The following MAP2 variants were observed in gnomAD, a reference collection of about 807,000 sequenced individuals.
The protein encoded by MAP2 is microtubule-associated protein 2.
Under a neutral mutation model 137.6 loss-of-function variants are expected in MAP2, and 14 were observed. The observed-to-expected ratio is 0.10, with a 90% confidence interval of 0.07 to 0.16. The LOEUF (loss-of-function observed/expected upper bound fraction) is 0.16, where lower values mean the gene tolerates loss of function less well. Ranked by LOEUF, MAP2 falls within the 10% of genes least tolerant of loss-of-function variation. The pLI is 1.00. For synonymous variants in MAP2, 786 were observed against 782.3 expected, an observed-to-expected ratio of 1.00 and a Z score of -0.08; for missense variants, 2,088 against 2,191.5, an observed-to-expected ratio of 0.95 and a Z score of 0.94.
intron 1 of MAP2, among the ~76,000 whole-genome samples, chr2:209,454,398 G>A (rs1315790654): frequency 6.6e-6 from 1 of 152,000 alleles, no homozygotes; most frequent in African/African-American, 2.4e-5. Context: ...GCAGTGGCAC[G>A]ATCTCTGCTC....
chr2:209,474,172 T>C (rs1706561066), intron 1 of MAP2, among the ~76,000 whole-genome samples: 1 of 152,200 alleles, frequency 6.6e-6, no homozygotes, highest in Admixed American at 6.5e-5. Context: ...CTGCCAGGTG[T>C]TGAACCAAAG....
Position 209,582,381 on chromosome 2 carries a change from C to T in MAP2, c.-107+2281C>T, listed in dbSNP as rs150829907. 7.4e-4 allele frequency among the ~76,000 whole-genome samples: 112 copies of T among 152,094 alleles called. 1 individual carries two copies. In the Middle Eastern group the frequency reaches 0.01, roughly 14 times the overall value. The stretch of plus-strand genomic sequence containing the variant: ...GGATTTTTCTGGTTTTAGATTAAAA[C>T]GGAAAGAATTCTTGAAATGTCCCCT... On this transcript the variant is annotated intron_variant, in intron 3 of 15. Coordinates refer to ENST00000682079, the MANE Select transcript of MAP2 (RefSeq NM_001375505.1).
chr2:209,452,073 G>A (rs1321366871), intron 1 of MAP2, among the ~76,000 whole-genome samples: 1 of 152,104 alleles, frequency 6.6e-6, no homozygotes, highest in Non-Finnish European at 1.5e-5. Context: ...AACTAATTGA[G>A]GACCCAAAAG....
chr2:209,569,330 A>G (rs1442007921), intron 2 of MAP2, among the ~76,000 whole-genome samples: 1 of 151,726 alleles, frequency 6.6e-6, no homozygotes, highest in Non-Finnish European at 1.5e-5. Flanking sequence ...TTCAGTGTTC[A>G]TGCATGCATG....
chr2:209,562,585 T>C (rs1038854460), intron 2 of MAP2, among the ~76,000 whole-genome samples: 2 of 151,968 alleles, frequency 1.3e-5, no homozygotes, highest in African/African-American at 4.8e-5. Flanking sequence ...TAGTCCCAGC[T>C]ACTCGGGAGG....
intron 13 of MAP2, among the ~76,000 whole-genome samples, chr2:209,711,036 A>G (rs906159186): frequency 6.6e-6 from 1 of 152,194 alleles, no homozygotes; most frequent in East Asian, 1.9e-4. Context: ...TTTAATGTTT[A>G]TCTCATAATA....
chr2:209,547,644 A>C (rs1458986921), intron 2 of MAP2, among the ~76,000 whole-genome samples: 1 of 152,196 alleles, frequency 6.6e-6, no homozygotes, highest in Non-Finnish European at 1.5e-5. Flanking sequence ...ATCTTTGAAC[A>C]TGTTACTTAA....
intron 1 of MAP2, among the ~76,000 whole-genome samples, chr2:209,429,186 C>G (rs1693532869): frequency 6.6e-6 from 1 of 151,970 alleles, no homozygotes; most frequent in Non-Finnish European, 1.5e-5. Context: ...ATCTCCTGAC[C>G]TCGTGATCCG....
At chr2:209,721,316 T>C (rs1221580037) in intron 13 of MAP2, among the ~76,000 whole-genome samples, 2 of 152,188 alleles carry the variant, frequency 1.3e-5, no homozygotes, top group Non-Finnish European at 2.9e-5. Flanking sequence ...ATTCACCTCA[T>C]TTTAGATGAA....
chr2:209,578,902 A>T (rs994627697), intron 2 of MAP2, among the ~76,000 whole-genome samples: 5 of 151,118 alleles, frequency 3.3e-5, no homozygotes, highest in African/African-American at 1.2e-4. Context: ...CAGAAATCAC[A>T]TATCGGCCCT....
intron 13 of MAP2, among the ~76,000 whole-genome samples, chr2:209,719,544 C>T (rs1345889134): frequency 1.3e-5 from 2 of 152,054 alleles, no homozygotes; most frequent in Non-Finnish European, 2.9e-5. Flanking sequence ...GCAGGCATAT[C>T]CTGCATTTTC....
chr2:209,698,250 C>A (rs747120249), intron 10 of MAP2, among the ~76,000 whole-genome samples: 1 of 152,072 alleles, frequency 6.6e-6, no homozygotes, highest in Non-Finnish European at 1.5e-5. Context: ...CATAAAAACC[C>A]CTACAAATAT....
intron 4 of MAP2, among the ~76,000 whole-genome samples, chr2:209,644,798 A>C (rs1294458952): frequency 1.3e-5 from 2 of 152,118 alleles, no homozygotes; most frequent in Non-Finnish European, 2.9e-5. Flanking sequence ...AACCCCTTTT[A>C]GACTTCGAAG....
At chr2:209,725,046 C>T (rs1015984854) in intron 13 of MAP2, among the ~76,000 whole-genome samples, 1 of 152,208 alleles carries the variant, frequency 6.6e-6, no homozygotes, top group Non-Finnish European at 1.5e-5. Flanking sequence ...GCCCTGTCCT[C>T]ATGATATCTG....
intron 2 of MAP2, among the ~76,000 whole-genome samples, chr2:209,549,451 T>C (rs1243102353): frequency 3.3e-5 from 5 of 152,198 alleles, no homozygotes; most frequent in Non-Finnish European, 4.4e-5. Context: ...ATTGAAATCC[T>C]CTCTAGAACT....
At chr2:209,635,017 C>A (rs571822641) in intron 4 of MAP2, among the ~76,000 whole-genome samples, 1 of 152,102 alleles carries the variant, frequency 6.6e-6, no homozygotes, top group African/African-American at 2.4e-5. Flanking sequence ...TTGCTTGAGC[C>A]CAGGAGTTGG....
intron 1 of MAP2, among the ~76,000 whole-genome samples, chr2:209,453,379 A>G (rs1343329323): frequency 3.3e-5 from 5 of 152,206 alleles, no homozygotes; most frequent in Non-Finnish European, 1.5e-5. Context: ...GTTGAATTTC[A>G]TGTGTTAAAA....
At chr2:209,610,309 T>C (rs972319293) in intron 3 of MAP2, among the ~76,000 whole-genome samples, 2 of 151,974 alleles carry the variant, frequency 1.3e-5, no homozygotes, top group Non-Finnish European at 2.9e-5. Context: ...GGAATGAGGC[T>C]GGAAAGTAAG....
intron 5 of MAP2, among the ~76,000 whole-genome samples, chr2:209,659,799 G>A (rs1200383777): frequency 6.6e-6 from 1 of 152,122 alleles, no homozygotes; most frequent in African/African-American, 2.4e-5. Flanking sequence ...AGCACTTTGG[G>A]AGGCCGAGGC....
Sources: allele counts gnomAD v4.1 joint callset (sites outside exome capture counted in the v4.1 genomes callset), GRCh38; gene constraint gnomAD v4.1.1; transcripts MANE v1.5; gene names NCBI Gene and HGNC (gene_info 2026-07-23, HGNC 2026-07-21).